The following TNFSF10 variants were observed in gnomAD, a reference collection of about 807,000 sequenced individuals.
TNFSF10 encodes the protein tumor necrosis factor ligand superfamily member 10.
Under a neutral mutation model 29.5 loss-of-function variants are expected in TNFSF10, and 13 were observed. That is an observed-to-expected ratio of 0.44 (90% CI 0.29 to 0.70). The LOEUF (loss-of-function observed/expected upper bound fraction) is 0.70. TNFSF10 is among the 30% of genes least tolerant of loss of function. TNFSF10 has a pLI of 0.13. For synonymous variants in TNFSF10, 111 were observed against 112.8 expected (o/e 0.98, Z 0.10); for missense variants, 345 against 330.9 (o/e 1.04, Z -0.33).
chr3:172,511,210 G>T (rs1053282471), intron 3 of TNFSF10, among the ~76,000 whole-genome samples: 2 of 152,204 alleles, frequency 1.3e-5, no homozygotes, highest in African/African-American at 4.8e-5. Flanking sequence ...CTTTTGTAAA[G>T]AAAGACCTGG....
chr3:172,508,159 GT>G (rs1452424977), intron 4 of TNFSF10, among the ~76,000 whole-genome samples: 4 of 151,980 alleles, frequency 2.6e-5, no homozygotes, highest in African/African-American at 9.7e-5. Context: ...GCCTCGTGTA[GT>G]GGTGCATGCT....
chr3:172,522,148 T>A (rs530086097), intron 1 of TNFSF10: 1 of 329,694 alleles, frequency 3.0e-6, no homozygotes, highest in Non-Finnish European at 5.9e-6. Context: ...CCATGGCACA[T>A]GTATACCTAT....
At chr3:172,517,315 C>G in intron 1 of TNFSF10, 5 of 984,964 alleles carry the variant, frequency 5.1e-6, no homozygotes, top group Non-Finnish European at 6.0e-6. Flanking sequence ...GTGATCCCTT[C>G]TGAGTATTTT....
chr3:172,508,775 G>A (rs1421087716), intron 4 of TNFSF10, among the ~76,000 whole-genome samples: 1 of 152,068 alleles, frequency 6.6e-6, no homozygotes, highest in Non-Finnish European at 1.5e-5. Context: ...TGTAATCCCA[G>A]CTACTTGGGA....
At chr3:172,510,477 C>G (rs973489603) in intron 3 of TNFSF10, among the ~76,000 whole-genome samples, 7 of 152,060 alleles carry the variant, frequency 4.6e-5, no homozygotes, top group African/African-American at 1.7e-4. Context: ...ATAGGAAAGC[C>G]TAGATTTGAA....
chr3:172,509,976 C>CAAAGA (rs1713156885), intron 3 of TNFSF10, among the ~76,000 whole-genome samples: 1 of 101,914 alleles, frequency 9.8e-6, no homozygotes, highest in African/African-American at 3.3e-5. Context: ...AAGACTCCGT[C>CAAAGA]AAAAAAAAAA....
rs1322798714 is a variant in TNFSF10 at position 172,506,459 on chromosome 3, C to A, written c.*33G>T. The A allele has an allele frequency of 5.1e-6, 8 of 1,562,390 alleles. No individual in the cohort carries two copies. The Admixed American group carries it at 1.6e-4, about 31-fold the overall frequency. ...TATCATCCTGAAAACTGAATAGTCA[C>A]TTTGAGGTTATTGCTTTTTCTTTCC... is the stretch of plus-strand genomic sequence containing the variant. On this transcript the variant is annotated 3_prime_UTR_variant, in exon 5 of 5. Transcript: ENST00000241261.
intron 2 of TNFSF10, among the ~76,000 whole-genome samples, chr3:172,512,335 A>C (rs563451788): frequency 1.3e-4 from 20 of 152,326 alleles, no homozygotes; most frequent in Admixed American, 3.3e-4. Context: ...AACCAGTAAG[A>C]AAGAGTGAAA....
chr3:172,515,759 A>AAC (rs977017474), intron 1 of TNFSF10, among the ~76,000 whole-genome samples: 1 of 151,694 alleles, frequency 6.6e-6, no homozygotes, highest in Admixed American at 6.6e-5. Flanking sequence ...TGATGTTATA[A>AAC]ACACACACAC....
intron 1 of TNFSF10, among the ~76,000 whole-genome samples, chr3:172,518,823 C>G (rs1419089986): frequency 1.3e-5 from 2 of 152,216 alleles, no homozygotes; most frequent in Non-Finnish European, 1.5e-5. Flanking sequence ...AAGATTCAAA[C>G]TTATTTTCCC....
intron 2 of TNFSF10, among the ~76,000 whole-genome samples, chr3:172,512,981 G>T (rs1171106678): frequency 6.6e-6 from 1 of 152,190 alleles, no homozygotes; most frequent in Non-Finnish European, 1.5e-5. Context: ...GATTAAATGA[G>T]ATAATGTATG....
At chr3:172,511,192 G>A (rs954275891) in intron 3 of TNFSF10, among the ~76,000 whole-genome samples, 6 of 152,160 alleles carry the variant, frequency 3.9e-5, no homozygotes, top group Non-Finnish European at 5.9e-5. Flanking sequence ...GGATGATGGA[G>A]GAGGAGGCTT....
At chr3:172,518,033 T>A (rs1483420376) in intron 1 of TNFSF10, 2 of 991,034 alleles carry the variant, frequency 2.0e-6, no homozygotes, top group Admixed American at 6.1e-5. Context: ...TGACGTGAGG[T>A]GCTGTGGTTA....
rs556051963 is a variant in TNFSF10 at position 172,508,963 on chromosome 3, A to G, written c.418+254T>C. 1.6e-4 allele frequency among the ~76,000 whole-genome samples: 22 copies of G among 140,582 alleles called. 1 individual carries two copies. In the East Asian group the frequency reaches 4.6e-3, roughly 29 times the overall value. 92.2% of individuals were successfully genotyped at this position (140,582 alleles called of 152,430 possible). A position where few individuals can be genotyped will look rare whatever the true frequency, so the allele number is the denominator to read the frequency against. On this transcript the variant is annotated intron_variant, in intron 4 of 4. Coordinates refer to ENST00000241261, the MANE Select transcript of TNFSF10 (RefSeq NM_003810.4). ...AAATTACTCTAAAGAAGGAAAAAAA[A>G]TGGGATCCTGAAAACTGCAAAGACA...
rs536986658 is a variant in TNFSF10, at chr3:172,508,313, A to G, written c.418+904T>C. Among the ~76,000 whole-genome samples the G allele has an allele frequency of 3.4e-5, 5 of 147,638 alleles. No individual in the cohort carries two copies. The South Asian group carries it at 8.7e-4, about 26-fold the overall frequency. On this transcript the variant is annotated intron_variant, in intron 4 of 4. Transcript: ENST00000241261. ...TCCGTCTCAAAAAAACAAAAAAAAA[A>G]CAAAAAAATACCCATGCACAGTATT...
intron 1 of TNFSF10, among the ~76,000 whole-genome samples, chr3:172,518,789 T>C (rs936179340): frequency 6.6e-6 from 1 of 152,244 alleles, no homozygotes; most frequent in East Asian, 1.9e-4. Flanking sequence ...TTATGTTGAA[T>C]ATACTTTTCC....
At chr3:172,514,734 T>G in intron 2 of TNFSF10, 127 bp downstream of exon 2, 1 of 1,302,696 alleles carries the variant, frequency 7.7e-7, no homozygotes, top group Non-Finnish European at 1.0e-6. Context: ...TTAAATACTC[T>G]GGGCCTAAGT....
chr3:172,518,588 G>C, intron 1 of TNFSF10: 1 of 752,050 alleles, frequency 1.3e-6, no homozygotes, highest in Non-Finnish European at 1.9e-6. Flanking sequence ...TTCTCAGAGG[G>C]ACACAGATTT....
chr3:172,509,146 T>TA (rs1713117047), intron 4 of TNFSF10, 71 bp downstream of exon 4: 2 of 1,331,792 alleles, frequency 1.5e-6, no homozygotes, highest in Admixed American at 2.0e-5. Flanking sequence ...TAAAATTCTT[T>TA]AAAAAATAAG....
Sources: allele counts gnomAD v4.1 joint callset (sites outside exome capture counted in the v4.1 genomes callset), GRCh38; gene constraint gnomAD v4.1.1; transcripts MANE v1.5; gene names NCBI Gene and HGNC (gene_info 2026-07-23, HGNC 2026-07-21).